CWH43: variants seen among roughly 807,000 people sequenced by gnomAD.
CWH43 encodes PGAP2-interacting protein.
CWH43 carries 91 observed loss-of-function variants against 85.7 expected under a neutral mutation model. The observed-to-expected ratio is 1.06, with a 90% CI of 0.90 to 1.26. CWH43 has a LOEUF of 1.26. Ranked by LOEUF, CWH43 falls within the 50% of genes most tolerant of loss-of-function variation. The probability of loss-of-function intolerance (pLI) is 0.00; values close to 1 mark genes in which losing one functional copy is unlikely to be tolerated. For synonymous variants in CWH43, 323 were observed against 293.6 expected, an observed-to-expected ratio of 1.10 and a Z score of -1.02; for missense variants, 869 against 839.2, an observed-to-expected ratio of 1.04 and a Z score of -0.44.
chr4:48,997,418 C>G lies in CWH43; in HGVS notation c.714-1042C>G, dbSNP rs116984032. ...TGTTTCCCCCACTGGAATGTGAGCT[C>G]TATGGGAGAAAGGGATCGTTGTTCA... On this transcript the variant is annotated intron_variant, in intron 5 of 15. Coordinates refer to ENST00000226432, the MANE Select transcript of CWH43 (RefSeq NM_025087.3). 4.7e-4 allele frequency among the ~76,000 whole-genome samples: 72 copies of G among 152,174 alleles called. 1 individual carries two copies. In the East Asian group the frequency reaches 0.014, roughly 29 times the overall value.
At chr4:49,043,366 T>C (rs1784526853) in intron 13 of CWH43, among the ~76,000 whole-genome samples, 2 of 152,134 alleles carry the variant, frequency 1.3e-5, no homozygotes, top group South Asian at 4.1e-4. Context: ...GGCATCCTAA[T>C]AGGGCATTCT....
chr4:49,049,491 A>G (rs1442121104), intron 14 of CWH43, among the ~76,000 whole-genome samples: 1 of 151,940 alleles, frequency 6.6e-6, no homozygotes, highest in East Asian at 1.9e-4. Flanking sequence ...CTCTGCTTCA[A>G]ACCCCTCTGA....
intron 8 of CWH43, among the ~76,000 whole-genome samples, chr4:49,013,414 A>G (rs1219391921): frequency 6.6e-6 from 1 of 152,218 alleles, no homozygotes; most frequent in South Asian, 2.1e-4. Context: ...TGCCTTGGCT[A>G]GGAAAGGGAA....
intron 13 of CWH43, among the ~76,000 whole-genome samples, chr4:49,043,540 G>A (rs1784532271): frequency 6.6e-6 from 1 of 152,158 alleles, no homozygotes; most frequent in South Asian, 2.1e-4. Flanking sequence ...GCTTTCTCTA[G>A]GAGGAAGTTT....
intron 8 of CWH43, among the ~76,000 whole-genome samples, chr4:49,009,477 T>C (rs1783279854): frequency 6.6e-6 from 1 of 152,202 alleles, no homozygotes; most frequent in Non-Finnish European, 1.5e-5. Context: ...TCCCTTCTCC[T>C]GCCTGATTGC....
intron 15 of CWH43, among the ~76,000 whole-genome samples, chr4:49,058,276 A>G (rs1785031201): frequency 6.6e-6 from 1 of 152,020 alleles, no homozygotes. Flanking sequence ...TTTTATTTGT[A>G]GATACTATGA....
chr4:49,061,984 A>G lies in CWH43; in HGVS notation c.*94A>G, dbSNP rs546128570. 2.1e-4 allele frequency: 208 copies of G among 979,442 alleles called. No individual in the cohort carries two copies. The highest frequency in any genetic ancestry group is 2.6e-4 in the Non-Finnish European group (195 of 745,742). 60.7% of individuals were successfully genotyped at this position (979,442 alleles called of 1,614,324 possible). A position where few individuals can be genotyped will look rare whatever the true frequency, so the allele number is the denominator to read the frequency against. On this transcript the variant is annotated 3_prime_UTR_variant, in exon 16 of 16. Transcript: ENST00000226432. Reference sequence around the variant, plus strand: ...GATTAATGAAAGTGGGAAAATACACATGAAGAACCTCAACTTAAAAAACAC... The same window carrying G: ...GATTAATGAAAGTGGGAAAATACACGTGAAGAACCTCAACTTAAAAAACAC...
intron 6 of CWH43, among the ~76,000 whole-genome samples, chr4:49,000,248 C>T (rs971407998): frequency 1.3e-5 from 2 of 152,048 alleles, no homozygotes; most frequent in Admixed American, 6.6e-5. Flanking sequence ...TTCTGTACAC[C>T]GTAAGTGCCG....
At chr4:49,059,049 G>A (rs1173485028) in intron 15 of CWH43, among the ~76,000 whole-genome samples, 1 of 152,030 alleles carries the variant, frequency 6.6e-6, no homozygotes, top group Non-Finnish European at 1.5e-5. Context: ...TTTAAAATAA[G>A]CTTTCTCTCC....
chr4:49,006,622 A>G (rs1450975535), intron 7 of CWH43, among the ~76,000 whole-genome samples: 1 of 152,136 alleles, frequency 6.6e-6, no homozygotes, highest in Non-Finnish European at 1.5e-5. Flanking sequence ...ATGGTTTTAG[A>G]TGAAGTAAGT....
At chr4:49,028,145 C>T (rs1411745214) in intron 9 of CWH43, among the ~76,000 whole-genome samples, 1 of 152,118 alleles carries the variant, frequency 6.6e-6, no homozygotes, top group African/African-American at 2.4e-5. Flanking sequence ...CTATATATGA[C>T]AGATCCCTAG....
At chr4:49,040,854 T>C (rs1446352700) in intron 13 of CWH43, among the ~76,000 whole-genome samples, 1 of 152,220 alleles carries the variant, frequency 6.6e-6, no homozygotes, top group Admixed American at 6.5e-5. Flanking sequence ...CTAGGTTTTC[T>C]TCTAGGGTTT....
At chr4:49,024,758 T>C (rs1244166877) in intron 9 of CWH43, among the ~76,000 whole-genome samples, 2 of 152,274 alleles carry the variant, frequency 1.3e-5, no homozygotes, top group African/African-American at 2.4e-5. Context: ...GGTTACCTGA[T>C]ATTTTTGCCT....
At chr4:48,995,962 T>A (rs1031146875) in intron 5 of CWH43, among the ~76,000 whole-genome samples, 5 of 151,952 alleles carry the variant, frequency 3.3e-5, no homozygotes, top group African/African-American at 2.4e-5. Context: ...CTCTCAGCAG[T>A]TCCCCCCCAC....
intron 9 of CWH43, among the ~76,000 whole-genome samples, chr4:49,028,147 G>C (rs775554810): frequency 9.2e-5 from 14 of 151,996 alleles, no homozygotes; most frequent in Non-Finnish European, 1.5e-4. Context: ...ATATATGACA[G>C]ATCCCTAGAC....
At chr4:49,041,877 C>G (rs1784474777) in intron 13 of CWH43, among the ~76,000 whole-genome samples, 1 of 152,166 alleles carries the variant, frequency 6.6e-6, no homozygotes, top group Non-Finnish European at 1.5e-5. Context: ...ACTTATATTT[C>G]ACTGGCAGAA....
rs201532065 is a variant in CWH43 at position 49,050,679 on chromosome 4, C to T, written c.1866-15C>T. On this transcript the variant is annotated splice_polypyrimidine_tract_variant and intron_variant, in intron 14 of 15. Coordinates refer to ENST00000226432, the MANE Select transcript of CWH43 (RefSeq NM_025087.3). The stretch of plus-strand genomic sequence containing the variant: ...ATAATAAAACTGTTACAAACCATTT[C>T]TGTTTCTGCTACAGGTTGGGTTATG... 7.1e-5 allele frequency: 113 copies of T among 1,599,972 alleles called. No individual in the cohort carries two copies. Among genetic ancestry groups the T allele is most frequent in the Middle Eastern group, 5.0e-4 (3 of 6,000 alleles).
At chr4:49,046,850 C>T (rs1005850038) in intron 14 of CWH43, among the ~76,000 whole-genome samples, 1 of 152,154 alleles carries the variant, frequency 6.6e-6, no homozygotes, top group African/African-American at 2.4e-5. Flanking sequence ...AGTTCTTCCA[C>T]AGAGGGAACA....
chr4:49,048,363 A>G (rs1252714901), intron 14 of CWH43, among the ~76,000 whole-genome samples: 1 of 150,888 alleles, frequency 6.6e-6, no homozygotes, highest in Non-Finnish European at 1.5e-5. Flanking sequence ...TACACTCTGT[A>G]TATATATACA....
Sources: gnomAD v4.1 joint callset for allele counts (sites outside exome capture counted in the v4.1 genomes callset) on GRCh38, gnomAD v4.1.1 for gene constraint, MANE v1.5 for transcripts, NCBI Gene and HGNC (gene_info 2026-07-23, HGNC 2026-07-21) for gene names.